FGD1: variants seen among roughly 807,000 people sequenced by gnomAD.
The protein encoded by FGD1 is FYVE, RhoGEF and PH domain-containing protein 1.
FGD1 carries 12 observed loss-of-function variants against 65.0 expected under a neutral mutation model. The ratio of observed to expected loss-of-function variants is 0.18; its 90% confidence interval spans 0.12 to 0.30. The LOEUF is 0.30. Among genes scored for constraint, FGD1 ranks in the 10% least tolerant of loss-of-function variants. The pLI, the probability that FGD1 is intolerant of heterozygous loss-of-function variation, is 1.00. For synonymous variants in FGD1, 333 were observed against 343.9 expected (o/e 0.97, Z 0.35); for missense variants, 542 against 837.6 (o/e 0.65, Z 4.36).
At chrX:54,457,881 T>A (rs1261681708) in intron 8 of FGD1, among the ~76,000 whole-genome samples, 1 of 111,344 alleles carries the variant, frequency 9.0e-6, no homozygotes, top group African/African-American at 3.3e-5. Context: ...ATCCCACCCA[T>A]GCTTAAGGCC....
chrX:54,494,168 C>T (rs1923473365), intron 1 of FGD1, among the ~76,000 whole-genome samples: 2 of 112,015 alleles, frequency 1.8e-5, no homozygotes, highest in Admixed American at 9.5e-5. Context: ...TTTCACATCA[C>T]AACCAACCTC....
chrX:54,456,631 G>GT (rs1922510012), intron 8 of FGD1, 64 bp from the exon 9 acceptor site: 16 of 867,812 alleles, frequency 1.8e-5, no homozygotes, highest in Non-Finnish European at 2.4e-5. Context: ...CCGGGGCTTT[G>GT]TTTTTTGTTT....
intron 1 of FGD1, among the ~76,000 whole-genome samples, chrX:54,478,544 A>C (rs1923070933): frequency 9.0e-6 from 1 of 111,352 alleles, no homozygotes; most frequent in African/African-American, 3.3e-5. Context: ...CACAGACCTC[A>C]GTTTAGATCA....
chrX:54,459,668 T>G (rs192866169), intron 8 of FGD1, among the ~76,000 whole-genome samples: 1 of 111,285 alleles, frequency 9.0e-6, no homozygotes, highest in Admixed American at 9.6e-5. Context: ...AGGATCTTAG[T>G]GCGCATATCT....
chrX:54,469,953 A>G, intron 4 of FGD1, 63 bp downstream of exon 4: 1 of 1,045,054 alleles, frequency 9.6e-7, no homozygotes, highest in Non-Finnish European at 1.3e-6. Context: ...GGAAGAATCA[A>G]GCACAAAAGG....
rs1234899509 is a variant in FGD1, at chrX:54,455,725, G to A, written c.1902C>T (p.Ser634=). ...CATCTACATCAATGCGTGCCCGCAC[G>A]CTAAACTTCTGGCCAAGGAGCCGCA... ...PRLRLLGQKF[S]VRARIDVDGM... Residue 634 remains serine (S), a synonymous_variant, in exon 11 of 18, where the codon AGC becomes AGT. Transcript: ENST00000375135. 7 of 1,192,736 alleles carry A rather than the reference G, an allele frequency of 5.9e-6. No individual in the cohort carries two copies. The highest frequency in any genetic ancestry group is 3.7e-5 in the South Asian group (2 of 54,539).
chrX:54,486,058 C>G lies in FGD1; in HGVS notation c.307+9068G>C, dbSNP rs1453817183. Among the ~76,000 whole-genome samples, 3 of 110,889 alleles carry G rather than the reference C, an allele frequency of 2.7e-5. No individual in the cohort carries two copies. The South Asian group carries it at 1.2e-3, about 43-fold the overall frequency. On this transcript the variant is annotated intron_variant, in intron 1 of 17. Transcript: ENST00000375135. ...AAAGTGCTGGGATTACAGGCGTGAG[C>G]CACCGTGCCCGGCAAATATGCTTTA...
intron 4 of FGD1, 110 bp downstream of exon 4, chrX:54,469,906 G>A (rs1922842993): frequency 1.4e-6 from 1 of 693,101 alleles, no homozygotes; most frequent in African/African-American, 2.1e-5. Context: ...CACAGAGCTT[G>A]GAAACAAGGT....
intron 4 of FGD1, 21 bp from the exon 5 acceptor site, chrX:54,468,897 C>A (rs780637930): frequency 1.8e-6 from 2 of 1,104,173 alleles, no homozygotes; most frequent in East Asian, 6.0e-5. Flanking sequence ...GAAACAGTAA[C>A]CCCTGATCCA....
chrX:54,450,384 G>A, intron 12 of FGD1, 83 bp from the exon 13 acceptor site: 1 of 935,242 alleles, frequency 1.1e-6, no homozygotes, highest in South Asian at 2.0e-5. Flanking sequence ...AGGTGTTTTG[G>A]AGTCAGAAAG....
At chrX:54,477,251 GC>G (rs1321194185) in intron 1 of FGD1, among the ~76,000 whole-genome samples, 2 of 111,622 alleles carry the variant, frequency 1.8e-5, no homozygotes, top group African/African-American at 3.3e-5. Flanking sequence ...TCAAACCCCT[GC>G]CCCCCCAGGC....
chrX:54,468,084 T>C lies in FGD1; in HGVS notation c.1192-152A>G, dbSNP rs144854894. 2,022 of 510,235 alleles carry C rather than the reference T, an allele frequency of 4.0e-3. 37 individuals carry two copies. In the African/African-American group the frequency reaches 0.043, roughly 11 times the overall value. 42.0% of individuals were successfully genotyped at this position (510,235 alleles called of 1,213,427 possible). ...CAGGGAATGGGGTTAGGGTTATATA[T>C]TGGGGAGATGGATTTCAGGTTATTC... On this transcript the variant is annotated intron_variant, in intron 5 of 17. Coordinates refer to ENST00000375135, the MANE Select transcript of FGD1 (RefSeq NM_004463.3).
At position 54,482,240 on chromosome X, in the gene FGD1, A is replaced by G. The variant is rs757488428; in HGVS notation, c.308-10753T>C. Among the ~76,000 whole-genome samples, 452 of 109,114 alleles carry G rather than the reference A, an allele frequency of 4.1e-3. 7 individuals carry two copies. The highest frequency in any genetic ancestry group is 0.014 in the African/African-American group (422 of 29,474). The allele number at this position is 109,114 out of a possible 115,157, so 94.8% of individuals were successfully genotyped here. ...CACATGCGCGCGCACACGCGCGCAC[A>G]CACACACACACACACACACACACAC... On this transcript the variant is annotated intron_variant, in intron 1 of 17. Transcript: ENST00000375135.
rs766777423 is a variant in FGD1, at chrX:54,446,214, C to T, written c.2781G>A (p.Pro927=). The part of the protein sequence containing the change: ...GRAGRGDTFC[P]GPTLSEDREM... ...CCCTGTCCTCAGACAGTGTGGGCCC[C>T]GGGCAGAACGTGTCCCCTCGGCCCG... The change falls in exon 18 of 18, where the codon CCG becomes CCA. Residue 927 remains proline, a synonymous_variant. Transcript: ENST00000375135. 2.8e-5 allele frequency: 34 copies of T among 1,210,274 alleles called. No homozygotes were observed. Among genetic ancestry groups the T allele is most frequent in the Admixed American group, 6.5e-5 (3 of 45,892 alleles).
chrX:54,474,381 C>T (rs1922970363), intron 1 of FGD1, among the ~76,000 whole-genome samples: 1 of 112,895 alleles, frequency 8.9e-6, no homozygotes, highest in South Asian at 3.6e-4. Flanking sequence ...CCACAGGGTT[C>T]CAGCAGCTTC....
chrX:54,477,126 C>T (rs768494763), intron 1 of FGD1, among the ~76,000 whole-genome samples: 108 of 112,936 alleles, frequency 9.6e-4, no homozygotes, highest in African/African-American at 3.3e-3. Context: ...CACTGCCACT[C>T]GGACATCTCT....
Position 54,470,305 on chromosome X carries a change from C to G in FGD1, c.812G>C (p.Gly271Ala). Residue 271 changes from glycine to alanine, a missense_variant, in exon 4 of 18, where the codon GGG becomes GCG. By Grantham distance (60) the Gly-to-Ala change is moderately conservative. Around this residue, in one of 6 missense-constraint regions of FGD1, gnomAD observed 297 missense variants for 326.8 expected, o/e 0.91. Transcript: ENST00000375135. ...GGGCACCTTCTCACCGTCCCGGGGC[C>G]CAGGAGCCAGCAGAAACAGGCAGCG... is the stretch of plus-strand genomic sequence containing the variant. ...ASRCLFLLAP[G>A]PRDGEKVPNR... is the part of the protein sequence containing the mutation. The G allele has an allele frequency of 8.3e-7, 1 of 1,206,748 alleles. No individual in the cohort carries two copies. Among genetic ancestry groups the G allele is most frequent in the Non-Finnish European group, 1.1e-6 (1 of 893,055 alleles).
chrX:54,455,462 G>A lies in FGD1; in HGVS notation c.2001C>T (p.Leu667=), dbSNP rs1601950415. 5.8e-6 allele frequency: 7 copies of A among 1,208,429 alleles called. No homozygotes were observed. The highest frequency in any genetic ancestry group is 1.7e-5 in the African/African-American group (1 of 57,375). Residue 667 remains leucine, a synonymous_variant, in exon 12 of 18, where the codon CTC becomes CTT. Coordinates refer to ENST00000375135, the MANE Select transcript of FGD1 (RefSeq NM_004463.3). ...TFLVSGKQRS[L]ELQARTEEEK... is the part of the protein sequence containing the mutation. ...AGGATAAGTACCTGGCCTGGAGCTC[G>A]AGGGAGCGCTGCTTTCCTGACACCA...
At chrX:54,463,521 C>G (rs1224564440) in intron 8 of FGD1, among the ~76,000 whole-genome samples, 2 of 112,124 alleles carry the variant, frequency 1.8e-5, no homozygotes, top group African/African-American at 6.5e-5. Flanking sequence ...TCAGCTCTCT[C>G]TCTCTTGCTC....
Sources: allele counts gnomAD v4.1 joint callset (sites outside exome capture counted in the v4.1 genomes callset), GRCh38; gene constraint gnomAD v4.1.1; regional missense constraint gnomAD v4.1.1; transcripts MANE v1.5; gene names NCBI Gene and HGNC (gene_info 2026-07-23, HGNC 2026-07-21).